The following LARP4B variants were observed in gnomAD, a reference collection of about 807,000 sequenced individuals.
LARP4B encodes la-related protein 4B.
Under a neutral mutation model 89.8 loss-of-function variants are expected in LARP4B, and 12 were observed. The observed-to-expected ratio is 0.13, with a 90% CI of 0.09 to 0.22. The LOEUF is 0.22. Among genes scored for constraint, LARP4B ranks in the 10% least tolerant of loss-of-function variants. The pLI is 1.00. For synonymous variants in LARP4B, 367 were observed against 363.3 expected (o/e 1.01, Z -0.12); for missense variants, 757 against 947.7 (o/e 0.80, Z 2.64).
At chr10:924,247 T>C (rs1837073550) in intron 1 of LARP4B, 1 of 152,086 alleles carries the variant, frequency 6.6e-6, no homozygotes, top group Non-Finnish European at 1.5e-5. Flanking sequence ...AAAAATAAAA[T>C]ATTTTTTAAA....
Position 900,420 on chromosome 10 carries a change from C to CTTTTTTTTTTTTTTTTTTTTT in LARP4B, c.-39-14681_-39-14661dup, listed in dbSNP as rs529963345. Reference sequence around the variant, plus strand: ...ATTCTAGGATCGGAAAGAAGGATGTCTTTTTTTTTTTTTTTTTTTTTTTTT... The same window carrying CTTTTTTTTTTTTTTTTTTTTT: ...ATTCTAGGATCGGAAAGAAGGATGTCTTTTTTTTTTTTTTTTTTTTTTTTTTTTTTTTTTTTTTTTTTTTTT... On this transcript the variant is annotated intron_variant, in intron 1 of 17. Transcript: ENST00000316157. 4.4e-5 allele frequency among the ~76,000 whole-genome samples: 2 copies of CTTTTTTTTTTTTTTTTTTTTT among 45,230 alleles called. 1 individual carries two copies. The highest frequency in any genetic ancestry group is 7.6e-5 in the Non-Finnish European group (2 of 26,164). The allele number at this position is 45,230 out of a possible 152,430, so 29.7% of individuals were successfully genotyped here.
At chr10:831,016 A>G (rs763680723) in intron 8 of LARP4B, 39 bp from the exon 9 acceptor site, 1 of 860,286 alleles carries the variant, frequency 1.2e-6, no homozygotes, top group South Asian at 1.5e-5. Context: ...ATTCTCAACA[A>G]TGTCAGTTTT....
chr10:944,799 A>G, the LARP4B span, among the ~76,000 whole-genome samples: 1 of 151,624 alleles, frequency 6.6e-6, no homozygotes, highest in African/African-American at 2.4e-5. Context: ...TTTGATTTCT[A>G]ATTAAATCCA....
chr10:963,211 G>GT, the LARP4B span, among the ~76,000 whole-genome samples: 80 of 152,298 alleles, frequency 5.3e-4, no homozygotes, highest in African/African-American at 1.5e-3. Flanking sequence ...TTAACCATAT[G>GT]TTTAAAATGG....
chr10:953,967 A>C, the LARP4B span, among the ~76,000 whole-genome samples: 5 of 152,230 alleles, frequency 3.3e-5, no homozygotes, highest in Non-Finnish European at 7.3e-5. Context: ...GATTCGGAGC[A>C]AGGGGAAGGC....
chr10:887,669 C>A (rs190121210), intron 1 of LARP4B, among the ~76,000 whole-genome samples: 23 of 152,126 alleles, frequency 1.5e-4, no homozygotes, highest in Admixed American at 8.5e-4. Context: ...CAAGATCATG[C>A]CACTGCACTA....
At chr10:955,648 C>A in the LARP4B span, among the ~76,000 whole-genome samples, 1 of 152,136 alleles carries the variant, frequency 6.6e-6, no homozygotes, top group Admixed American at 6.5e-5. The surrounding 1 kb of genome is among the most constrained non-coding windows in gnomAD (Gnocchi z 5.2). Flanking sequence ...TTTGCTAACA[C>A]CATGGTTATT....
chr10:943,237 G>A, the LARP4B span, among the ~76,000 whole-genome samples: 2,260 of 152,082 alleles, frequency 0.015, 57 homozygotes, highest in African/African-American at 0.05. Flanking sequence ...ATGAGCCACC[G>A]CACCTGGCCT....
chr10:882,755 A>G (rs999401263), intron 3 of LARP4B, among the ~76,000 whole-genome samples: 3 of 152,208 alleles, frequency 2.0e-5, no homozygotes, highest in Non-Finnish European at 4.4e-5. Flanking sequence ...GTACCAGTGG[A>G]TAAATGCAAA....
At chr10:902,909 C>T (rs1293619786) in intron 1 of LARP4B, among the ~76,000 whole-genome samples, 1 of 152,208 alleles carries the variant, frequency 6.6e-6, no homozygotes, top group Non-Finnish European at 1.5e-5. Context: ...TCGAAAAGTG[C>T]TGGGATTACC....
chr10:844,945 T>G, intron 6 of LARP4B, 32 bp downstream of exon 6: 4 of 1,499,120 alleles, frequency 2.7e-6, no homozygotes, highest in Non-Finnish European at 3.7e-6. Flanking sequence ...ACTAGAAATA[T>G]CAGGTACTAG....
At chr10:882,410 CAG>C (rs1453872044) in intron 3 of LARP4B, among the ~76,000 whole-genome samples, 2 of 149,606 alleles carry the variant, frequency 1.3e-5, no homozygotes, top group East Asian at 3.9e-4. Context: ...TTTTCTGAGA[CAG>C]AGTTTCACTC....
intron 7 of LARP4B, 71 bp downstream of exon 7, chr10:842,861 T>A: frequency 7.0e-7 from 1 of 1,431,522 alleles, no homozygotes; most frequent in South Asian, 1.2e-5. Flanking sequence ...GGCTATAGAT[T>A]TAAAGGTTCA....
At chr10:834,289 C>T (rs1290431564) in intron 8 of LARP4B, among the ~76,000 whole-genome samples, 6 of 152,166 alleles carry the variant, frequency 3.9e-5, no homozygotes, top group Non-Finnish European at 5.9e-5. Context: ...ACTTGACTAA[C>T]GGTAAATTAG....
chr10:843,205 G>A, intron 6 of LARP4B, 137 bp from the exon 7 acceptor site: 2 of 768,446 alleles, frequency 2.6e-6, no homozygotes, highest in Non-Finnish European at 2.0e-6. Context: ...GGACCCATCT[G>A]TTATTTGCTG....
chr10:925,474 T>C (rs909914529), intron 1 of LARP4B, among the ~76,000 whole-genome samples: 2 of 152,238 alleles, frequency 1.3e-5, no homozygotes, highest in African/African-American at 4.8e-5. Flanking sequence ...GATGTTTTTA[T>C]TTTAAAGCAA....
At chr10:926,907 G>A (rs1024179961) in intron 1 of LARP4B, among the ~76,000 whole-genome samples, 3 of 152,104 alleles carry the variant, frequency 2.0e-5, no homozygotes, top group Non-Finnish European at 2.9e-5. Context: ...GTGGTGGCAC[G>A]CACCTGTATG....
intron 3 of LARP4B, among the ~76,000 whole-genome samples, chr10:873,672 T>C (rs1463610998): frequency 6.6e-6 from 1 of 151,954 alleles, no homozygotes; most frequent in Non-Finnish European, 1.5e-5. Context: ...TAAATAGCAA[T>C]TTAAAAAGAG....
chr10:972,761 GTAGT>G, the LARP4B span: 1 of 456,760 alleles, frequency 2.2e-6, no homozygotes, highest in South Asian at 1.6e-5. Context: ...GCAGAGAAAA[GTAGT>G]TAGAAAATAA....
Sources: gnomAD v4.1 joint callset for allele counts (sites outside exome capture counted in the v4.1 genomes callset) on GRCh38, gnomAD v4.1.1 for gene constraint, Gnocchi (gnomAD v3.1) non-coding constraint, MANE v1.5 for transcripts, NCBI Gene and HGNC (gene_info 2026-07-23, HGNC 2026-07-21) for gene names.